CAMTA1: variants seen among roughly 807,000 people sequenced by gnomAD.
CAMTA1 encodes the protein calmodulin binding transcription activator 1.
In CAMTA1, 27 loss-of-function variants were observed where a neutral mutation model predicts 170.9. The ratio of observed to expected loss-of-function variants is 0.16; its 90% confidence interval spans 0.12 to 0.22. CAMTA1 has a LOEUF of 0.22. Among genes scored for constraint, CAMTA1 ranks in the 10% least tolerant of loss-of-function variants. The probability of loss-of-function intolerance (pLI) is 1.00; values close to 1 mark genes in which losing one functional copy is unlikely to be tolerated. For synonymous variants in CAMTA1, 833 were observed against 891.5 expected (o/e 0.93, Z 1.17); for missense variants, 1,619 against 2,217.2 (o/e 0.73, Z 5.42).
chr1:6,813,470 C>A (rs966905331), intron 1 of CAMTA1, among the ~76,000 whole-genome samples: 14 of 150,436 alleles, frequency 9.3e-5, no homozygotes, highest in African/African-American at 3.4e-4. Flanking sequence ...ATTCCCCCTA[C>A]TCCTTTTAAG....
In CAMTA1 at chr1:7,663,333, T is replaced by C. The variant is rs1039559762; in HGVS notation, c.806-20T>C. ...GTGTGCCTGCGTGTGCGTGCGCGTG[T>C]TGTGTTCCGATCTCCGCAGGAGCTG... On this transcript the variant is annotated intron_variant, in intron 8 of 22. Transcript: ENST00000303635. The C allele has an allele frequency of 8.6e-6, 13 of 1,518,020 alleles. No homozygotes were observed. The highest frequency in any genetic ancestry group is 1.4e-5 in the African/African-American group (1 of 71,942). The allele number at this position is 1,518,020 out of a possible 1,614,324, so 94.0% of individuals were successfully genotyped here.
intron 5 of CAMTA1, among the ~76,000 whole-genome samples, chr1:7,371,791 ATCT>A (rs2086492710): frequency 6.6e-6 from 1 of 152,180 alleles, no homozygotes; most frequent in Non-Finnish European, 1.5e-5. Flanking sequence ...AAATCCTGAA[ATCT>A]TCTGGTTCAG....
Position 7,125,172 on chromosome 1 carries a change from A to T in CAMTA1, c.302+33801A>T, listed in dbSNP as rs964455398. Reference sequence around the variant, plus strand: ...AGATGGAGGAGGGCACGCTGAGCCAAGCATGGGAATCAATCTCTGACCACT... The same window carrying T: ...AGATGGAGGAGGGCACGCTGAGCCATGCATGGGAATCAATCTCTGACCACT... On this transcript the variant is annotated intron_variant, in intron 4 of 22. Coordinates refer to ENST00000303635, the MANE Select transcript of CAMTA1 (RefSeq NM_015215.4). 3.3e-5 allele frequency among the ~76,000 whole-genome samples: 5 copies of T among 152,142 alleles called. No individual in the cohort carries two copies. The South Asian group carries it at 1.0e-3, about 32-fold the overall frequency.
At chr1:7,509,772 A>G (rs2094174715) in intron 6 of CAMTA1, among the ~76,000 whole-genome samples, 1 of 152,152 alleles carries the variant, frequency 6.6e-6, no homozygotes, top group Non-Finnish European at 1.5e-5. Flanking sequence ...AACAGAGAAC[A>G]AGAGGCTAGG....
chr1:7,369,734 C>A (rs1272218201), intron 5 of CAMTA1, among the ~76,000 whole-genome samples: 1 of 152,116 alleles, frequency 6.6e-6, no homozygotes, highest in African/African-American at 2.4e-5. Flanking sequence ...CAGCCTCCAG[C>A]CCTGCCTAGG....
At chr1:7,754,994 A>T (rs916010997) in intron 21 of CAMTA1, among the ~76,000 whole-genome samples, 3 of 152,168 alleles carry the variant, frequency 2.0e-5, no homozygotes, top group Admixed American at 1.3e-4. Context: ...GAAACTATTC[A>T]TGTCTGTTGT....
At chr1:7,373,918 A>G (rs572980009) in intron 5 of CAMTA1, among the ~76,000 whole-genome samples, 97 of 152,252 alleles carry the variant, frequency 6.4e-4, no homozygotes, top group Admixed American at 1.2e-3. Context: ...GACATCCTCA[A>G]TTTCCTTGGG....
intron 4 of CAMTA1, among the ~76,000 whole-genome samples, chr1:7,103,269 C>T (rs1248745749): frequency 1.3e-5 from 2 of 151,996 alleles, no homozygotes; most frequent in Non-Finnish European, 2.9e-5. Flanking sequence ...TGCTCACATG[C>T]CAATGTAGAT....
intron 3 of CAMTA1, among the ~76,000 whole-genome samples, chr1:7,001,834 C>T (rs1054904525): frequency 2.0e-5 from 3 of 152,114 alleles, no homozygotes; most frequent in Non-Finnish European, 2.9e-5. Flanking sequence ...TGCAACCAAG[C>T]TAATGCCTTC....
chr1:6,909,636 C>G (rs1357933409), intron 3 of CAMTA1, among the ~76,000 whole-genome samples: 1 of 152,342 alleles, frequency 6.6e-6, no homozygotes, highest in African/African-American at 2.4e-5. Context: ...CCTAAGGGGC[C>G]TCTGCCTGCC....
intron 4 of CAMTA1, among the ~76,000 whole-genome samples, chr1:7,128,323 C>G (rs1263278941): frequency 6.6e-6 from 1 of 152,202 alleles, no homozygotes; most frequent in African/African-American, 2.4e-5. Flanking sequence ...CTTTCAGTGA[C>G]TCACCAAACC....
At chr1:7,244,745 G>A (rs2149276644) in intron 4 of CAMTA1, among the ~76,000 whole-genome samples, 1 of 149,112 alleles carries the variant, frequency 6.7e-6, no homozygotes, top group Middle Eastern at 3.4e-3. Context: ...CTGTTGTGGG[G>A]TTGGGGGAGG....
rs567327062 is a variant in CAMTA1, at chr1:7,471,286, C to T, written c.510+3385C>T. On this transcript the variant is annotated intron_variant, in intron 6 of 22. Coordinates refer to ENST00000303635, the MANE Select transcript of CAMTA1 (RefSeq NM_015215.4). Reference sequence around the variant, plus strand: ...TTCTATTAGGCTATGAGCGAGGAGACGGGCAGGGAGCCTCTCACAGGCAGG... The same window carrying T: ...TTCTATTAGGCTATGAGCGAGGAGATGGGCAGGGAGCCTCTCACAGGCAGG... Among the ~76,000 whole-genome samples the T allele has an allele frequency of 4.6e-5, 7 of 152,350 alleles. No individual in the cohort carries two copies. The East Asian group carries it at 1.2e-3, about 25-fold the overall frequency.
chr1:7,499,345 A>G (rs1193970318), intron 6 of CAMTA1, among the ~76,000 whole-genome samples: 14 of 107,478 alleles, frequency 1.3e-4, no homozygotes, highest in Non-Finnish European at 1.7e-4. Flanking sequence ...TGTAGAGAGG[A>G]TTGTGTGAGC....
chr1:6,880,662 T>C (rs1671306428), intron 3 of CAMTA1, among the ~76,000 whole-genome samples: 1 of 152,200 alleles, frequency 6.6e-6, no homozygotes, highest in Admixed American at 6.5e-5. Context: ...AGTGCTGGGA[T>C]TACAGGCCTG....
At chr1:7,109,699 T>TC (rs1643896113) in intron 4 of CAMTA1, among the ~76,000 whole-genome samples, 2 of 152,174 alleles carry the variant, frequency 1.3e-5, no homozygotes, top group Admixed American at 6.5e-5. Context: ...AGACCACCGA[T>TC]CAAGATGTCA....
chr1:7,515,649 G>A (rs1202405923), intron 6 of CAMTA1, among the ~76,000 whole-genome samples: 2 of 152,098 alleles, frequency 1.3e-5, no homozygotes, highest in Admixed American at 6.5e-5. Flanking sequence ...ATCTCGGAGC[G>A]AGAGGCACCA....
intron 3 of CAMTA1, among the ~76,000 whole-genome samples, chr1:6,921,584 T>A (rs1682019633): frequency 6.6e-6 from 1 of 152,224 alleles, no homozygotes; most frequent in Non-Finnish European, 1.5e-5. Context: ...GTTTTCACAC[T>A]GCTGATAAAA....
chr1:7,718,507 G>A lies in CAMTA1; in HGVS notation c.2915-13941G>A, dbSNP rs558766059. Among the ~76,000 whole-genome samples, 125 of 149,260 alleles carry A rather than the reference G, an allele frequency of 8.4e-4. 2 individuals carry two copies. Among genetic ancestry groups the A allele is most frequent in the East Asian group, 2.9e-3 (15 of 5,110 alleles). On this transcript the variant is annotated intron_variant, in intron 11 of 22. Coordinates refer to ENST00000303635, the MANE Select transcript of CAMTA1 (RefSeq NM_015215.4). ...TAACCCATTTAAATCACGCCTTCAT[G>A]TCCAGGTTAGATCATTCATTGTTCA...
Sources: allele counts gnomAD v4.1 joint callset (sites outside exome capture counted in the v4.1 genomes callset), GRCh38; gene constraint gnomAD v4.1.1; transcripts MANE v1.5; gene names NCBI Gene and HGNC (gene_info 2026-07-23, HGNC 2026-07-21).